SBF2: variants seen among roughly 807,000 people sequenced by gnomAD.
SBF2 encodes the protein SET binding factor 2.
In SBF2, 112 loss-of-function variants were observed where a neutral mutation model predicts 225.2. The ratio of observed to expected loss-of-function variants is 0.50; its 90% CI spans 0.43 to 0.58. The LOEUF (loss-of-function observed/expected upper bound fraction) is 0.58, where lower values mean the gene tolerates loss of function less well. SBF2 is among the 20% of genes least tolerant of loss of function. SBF2 has a pLI of 0.00. For missense variants in SBF2, 1,996 were observed against 2,206.2 expected (o/e 0.90, Z 1.91); for synonymous variants, 763 against 773.3 (o/e 0.99, Z 0.22).
At chr11:10,246,140 CA>C (rs1191275117) in intron 1 of SBF2, among the ~76,000 whole-genome samples, 1 of 151,896 alleles carries the variant, frequency 6.6e-6, no homozygotes, top group African/African-American at 2.4e-5. Context: ...TTATCACACA[CA>C]AAAAAAGAAA....
intron 17 of SBF2, among the ~76,000 whole-genome samples, chr11:9,887,199 AAT>A: frequency 6.6e-6 from 1 of 152,010 alleles, no homozygotes; most frequent in African/African-American, 2.4e-5. Flanking sequence ...AGTTCAGAAA[AAT>A]ATTTCATAAA....
intron 2 of SBF2, among the ~76,000 whole-genome samples, chr11:10,177,920 T>C (rs1032311000): frequency 2.0e-5 from 3 of 149,670 alleles, no homozygotes; most frequent in African/African-American, 7.4e-5. Context: ...GCTGGAGGCA[T>C]CACACTACCT....
At chr11:9,998,583 C>T (rs974097631) in intron 8 of SBF2, among the ~76,000 whole-genome samples, 2 of 152,170 alleles carry the variant, frequency 1.3e-5, no homozygotes, top group Non-Finnish European at 2.9e-5. Context: ...TGGCATGTGG[C>T]TAAGATTCTG....
At chr11:10,039,434 T>C (rs1190932460) in intron 3 of SBF2, among the ~76,000 whole-genome samples, 2 of 151,838 alleles carry the variant, frequency 1.3e-5, no homozygotes, top group Non-Finnish European at 3.0e-5. Flanking sequence ...TCCAGAAAAG[T>C]GGTCTTACAA....
chr11:10,054,567 T>C (rs188967799), intron 2 of SBF2, among the ~76,000 whole-genome samples: 11 of 152,102 alleles, frequency 7.2e-5, no homozygotes, highest in African/African-American at 2.7e-4. Flanking sequence ...GCAGACCTAA[T>C]TGAACTAAAA....
intron 1 of SBF2, among the ~76,000 whole-genome samples, chr11:10,250,066 G>A (rs1350559785): frequency 6.6e-6 from 1 of 152,014 alleles, no homozygotes; most frequent in Non-Finnish European, 1.5e-5. Context: ...ATACGTCTGA[G>A]TATATGCTAC....
At chr11:10,094,071 C>T (rs1011825407) in intron 2 of SBF2, among the ~76,000 whole-genome samples, 1 of 152,228 alleles carries the variant, frequency 6.6e-6, no homozygotes, top group Non-Finnish European at 1.5e-5. Flanking sequence ...TGGCTCACGC[C>T]TATAATCCCA....
chr11:10,155,599 T>C (rs1955436639), intron 2 of SBF2, among the ~76,000 whole-genome samples: 1 of 152,212 alleles, frequency 6.6e-6, no homozygotes, highest in Non-Finnish European at 1.5e-5. Context: ...GAGGGGAAGG[T>C]CATACATATT....
chr11:10,016,023 C>T (rs986850253), intron 6 of SBF2, among the ~76,000 whole-genome samples: 3 of 152,040 alleles, frequency 2.0e-5, no homozygotes, highest in African/African-American at 4.8e-5. Context: ...GTGATCGACC[C>T]GCCTCGGCCT....
rs538676701 is a variant in SBF2, at chr11:10,229,186, A to G, written c.56-35199T>C. On this transcript the variant is annotated intron_variant, in intron 1 of 39. Coordinates refer to ENST00000256190, the MANE Select transcript of SBF2 (RefSeq NM_030962.4). ...TATCCCCTTTGTCATTTTTTATTGC[A>G]TCTATTTGATTCTTCTCTCTTTTCT... 1.9e-3 allele frequency among the ~76,000 whole-genome samples: 287 copies of G among 151,906 alleles called. 1 individual carries two copies. The highest frequency in any genetic ancestry group is 6.4e-3 in the African/African-American group (265 of 41,430).
intron 8 of SBF2, among the ~76,000 whole-genome samples, chr11:9,999,135 T>C (rs898684664): frequency 6.6e-6 from 1 of 152,138 alleles, no homozygotes; most frequent in African/African-American, 2.4e-5. Flanking sequence ...ATGAGTGAAG[T>C]TGTTATATTG....
At chr11:10,249,509 C>T (rs1591304238) in intron 1 of SBF2, among the ~76,000 whole-genome samples, 1 of 152,128 alleles carries the variant, frequency 6.6e-6, no homozygotes, top group Admixed American at 6.5e-5. Flanking sequence ...AGTCTTCCCT[C>T]TATCAATGAG....
intron 1 of SBF2, among the ~76,000 whole-genome samples, chr11:10,230,362 G>C (rs1591268073): frequency 6.6e-6 from 1 of 152,114 alleles, no homozygotes; most frequent in African/African-American, 2.4e-5. Context: ...TATGATGCTG[G>C]CTGGTTATTT....
At chr11:10,134,512 G>A (rs1234572950) in intron 2 of SBF2, among the ~76,000 whole-genome samples, 1 of 152,150 alleles carries the variant, frequency 6.6e-6, no homozygotes, top group African/African-American at 2.4e-5. Flanking sequence ...TTCTGCCTAT[G>A]AGCCTGTAAA....
chr11:10,247,816 G>C (rs1959958016), intron 1 of SBF2, among the ~76,000 whole-genome samples: 1 of 152,114 alleles, frequency 6.6e-6, no homozygotes. Context: ...ACTATCCACA[G>C]AAGAAAACAC....
chr11:9,977,892 G>A (rs2134421019), intron 13 of SBF2, among the ~76,000 whole-genome samples: 2 of 152,262 alleles, frequency 1.3e-5, no homozygotes, highest in Non-Finnish European at 2.9e-5. Context: ...GTGGTGAGAA[G>A]AGACAGGAAA....
intron 2 of SBF2, among the ~76,000 whole-genome samples, chr11:10,163,875 C>A (rs549070252): frequency 1.3e-5 from 2 of 152,282 alleles, no homozygotes; most frequent in East Asian, 3.9e-4. Flanking sequence ...GAAGCCAGAA[C>A]TAAAACTCAA....
rs1232731283 is a variant in SBF2, at chr11:9,980,387, C to T, written c.1395+9110G>A. The stretch of plus-strand genomic sequence containing the variant: ...CTAGCCCCAAGCAATCCTCCTGCCT[C>T]GGCCTCCCAAAGTGCTGAGATCACA... On this transcript the variant is annotated intron_variant, in intron 13 of 39. Transcript: ENST00000256190. Among the ~76,000 whole-genome samples, 4 of 151,852 alleles carry T rather than the reference C, an allele frequency of 2.6e-5. No homozygotes were observed. The South Asian group carries it at 6.2e-4, about 24-fold the overall frequency.
intron 2 of SBF2, among the ~76,000 whole-genome samples, chr11:10,151,474 A>G (rs912403471): frequency 1.3e-4 from 20 of 152,248 alleles, no homozygotes; most frequent in Admixed American, 6.5e-4. Flanking sequence ...TTTCTTGGTT[A>G]TAATAACTCC....
Sources: allele counts gnomAD v4.1 joint callset (sites outside exome capture counted in the v4.1 genomes callset), GRCh38; gene constraint gnomAD v4.1.1; transcripts MANE v1.5; gene names NCBI Gene and HGNC (gene_info 2026-07-23, HGNC 2026-07-21).